The following PCDH17 variants were observed in gnomAD, a reference collection of about 807,000 sequenced individuals.
The protein encoded by PCDH17 is protocadherin-17.
A neutral mutation model predicts 67.7 loss-of-function variants in PCDH17; 21 were observed. The observed-to-expected ratio is 0.31, with a 90% CI of 0.22 to 0.45. The LOEUF is 0.45. Ranked by LOEUF, PCDH17 falls within the 20% of genes least tolerant of loss-of-function variation. The pLI, the probability that PCDH17 is intolerant of heterozygous loss-of-function variation, is 1.00. For synonymous variants in PCDH17, 701 were observed against 656.7 expected (o/e 1.07, Z -1.03); for missense variants, 1,471 against 1,564.8 (o/e 0.94, Z 1.01).
chr13:57,720,242 A>G (rs1427708185), intron 3 of PCDH17, among the ~76,000 whole-genome samples: 2 of 151,982 alleles, frequency 1.3e-5, no homozygotes, highest in Non-Finnish European at 2.9e-5. Context: ...TTATCAGCCA[A>G]TATGAATATG....
chr13:57,724,511 C>G, intron 3 of PCDH17, 101 bp from the exon 4 acceptor site: 1 of 874,258 alleles, frequency 1.1e-6, no homozygotes, highest in Admixed American at 2.6e-5. Flanking sequence ...AATTAAGAGA[C>G]CAGAGGTCAA....
chr13:57,640,239 T>G (rs2137981593), intron 1 of PCDH17, among the ~76,000 whole-genome samples: 1 of 152,068 alleles, frequency 6.6e-6, no homozygotes, highest in African/African-American at 2.4e-5. Flanking sequence ...TATAACACAA[T>G]AGAAATGTAT....
At chr13:57,635,245 A>G (rs910962321) in intron 1 of PCDH17, 134 bp downstream of exon 1, 1 of 817,242 alleles carries the variant, frequency 1.2e-6, no homozygotes. Flanking sequence ...AACGGTTTAC[A>G]CTTTTGACAC....
At chr13:57,640,012 C>A (rs191229898) in intron 1 of PCDH17, among the ~76,000 whole-genome samples, 31 of 151,968 alleles carry the variant, frequency 2.0e-4, no homozygotes, top group African/African-American at 7.5e-4. Flanking sequence ...TGCATAGATG[C>A]AGATTTTGTA....
chr13:57,653,780 T>A (rs894582487), intron 1 of PCDH17, among the ~76,000 whole-genome samples: 1 of 152,136 alleles, frequency 6.6e-6, no homozygotes, highest in Non-Finnish European at 1.5e-5. Flanking sequence ...TTACACTAAG[T>A]ACACTCTAGA....
In PCDH17 at chr13:57,726,987, G is replaced by T. The variant is rs2138110645; in HGVS notation, c.*1693G>T. The T allele has an allele frequency of 6.6e-6, 1 of 152,660 alleles. No homozygotes were observed. The highest frequency in any genetic ancestry group is 2.4e-5 in the African/African-American group (1 of 41,540). The allele number at this position is 152,660 out of a possible 1,614,324, so 9.5% of individuals were successfully genotyped here. On this transcript the variant is annotated 3_prime_UTR_variant, in exon 4 of 4. Coordinates refer to ENST00000377918, the MANE Select transcript of PCDH17 (RefSeq NM_001040429.3). ...GCCTCTTTTTGTTGGTGTCCTTTGA[G>T]AACAATACACCTTCTATTCCTTCAT... is the stretch of plus-strand genomic sequence containing the variant.
At chr13:57,655,764 A>C (rs949801098) in intron 1 of PCDH17, among the ~76,000 whole-genome samples, 9 of 152,106 alleles carry the variant, frequency 5.9e-5, no homozygotes, top group Non-Finnish European at 1.2e-4. Context: ...TTAAAACAAT[A>C]ACATGAAGGT....
Position 57,728,760 on chromosome 13 carries a change from T to G in PCDH17, c.*3466T>G, listed in dbSNP as rs1371419527. Reference sequence around the variant, plus strand: ...TCCTGGTTGAGAAACTAACTTGTTTTGTTTTCCAAAATTAGCTGAAATCTT... The same window carrying G: ...TCCTGGTTGAGAAACTAACTTGTTTGGTTTTCCAAAATTAGCTGAAATCTT... On this transcript the variant is annotated 3_prime_UTR_variant, in exon 4 of 4. Coordinates refer to ENST00000377918, the MANE Select transcript of PCDH17 (RefSeq NM_001040429.3). 2.0e-5 allele frequency: 3 copies of G among 152,140 alleles called. No individual in the cohort carries two copies. Among genetic ancestry groups the G allele is most frequent in the African/African-American group, 7.2e-5 (3 of 41,460 alleles). The allele number at this position is 152,140 out of a possible 1,614,324, so 9.4% of individuals were successfully genotyped here. A position where few individuals can be genotyped will look rare whatever the true frequency, so the allele number is the denominator to read the frequency against.
chr13:57,634,637 C>G lies in PCDH17; in HGVS notation c.2091C>G (p.Gly697=). 1.2e-6 allele frequency: 2 copies of G among 1,613,426 alleles called. No homozygotes were observed. Among genetic ancestry groups the G allele is most frequent in the Non-Finnish European group, 8.5e-7 (1 of 1,179,986 alleles). Reference sequence around the variant, plus strand: ...CCGAGGGGGTACCACGGGTGAATGGCGAGCAGCACCACTGGGACATGTCGC... The same window carrying G: ...CCGAGGGGGTACCACGGGTGAATGGGGAGCAGCACCACTGGGACATGTCGC... ...SLPEGVPRVN[G]EQHHWDMSLP... Residue 697 remains glycine, a synonymous_variant, in exon 1 of 4, where the codon GGC becomes GGG. Coordinates refer to ENST00000377918, the MANE Select transcript of PCDH17 (RefSeq NM_001040429.3). This position sits in a 1 kb window ranked among gnomAD's most constrained non-coding sequence, Gnocchi z 7.8.
intron 3 of PCDH17, among the ~76,000 whole-genome samples, chr13:57,689,020 C>G (rs1465962043): frequency 6.6e-6 from 1 of 151,982 alleles, no homozygotes; most frequent in Non-Finnish European, 1.5e-5. Flanking sequence ...TGGATAATAT[C>G]AATGACTAAA....
In PCDH17 at chr13:57,694,017, G is replaced by A. The variant is rs577800657; in HGVS notation, c.2797+27184G>A. Among the ~76,000 whole-genome samples, 58 of 150,516 alleles carry A rather than the reference G, an allele frequency of 3.9e-4. 4 individuals carry two copies. In the South Asian group the frequency reaches 0.012, roughly 31 times the overall value. On this transcript the variant is annotated intron_variant, in intron 3 of 3. Coordinates refer to ENST00000377918, the MANE Select transcript of PCDH17 (RefSeq NM_001040429.3). ...AATGACTTAAAGAACAGCATACAAGGCAAGTCTAGGCAGCACATCTTGAAT... is the reference window on the plus strand; with the variant it reads ...AATGACTTAAAGAACAGCATACAAGACAAGTCTAGGCAGCACATCTTGAAT...
At chr13:57,658,451 T>A (rs1254793798) in intron 1 of PCDH17, among the ~76,000 whole-genome samples, 1 of 152,204 alleles carries the variant, frequency 6.6e-6, no homozygotes, top group Non-Finnish European at 1.5e-5. Context: ...TCTGATCGAT[T>A]TTTAAAGGTC....
At chr13:57,682,612 T>TTTG (rs201732270) in intron 3 of PCDH17, among the ~76,000 whole-genome samples, 36 of 151,874 alleles carry the variant, frequency 2.4e-4, no homozygotes, top group East Asian at 1.4e-3. Context: ...CTGAGACTGT[T>TTTG]TTGTTGTTGT....
chr13:57,681,022 G>A (rs1234912365), intron 3 of PCDH17, among the ~76,000 whole-genome samples: 1 of 151,750 alleles, frequency 6.6e-6, no homozygotes, highest in Non-Finnish European at 1.5e-5. Flanking sequence ...CATCTACTAT[G>A]TGTCAAGCAT....
rs1371030450 is a variant in PCDH17, at chr13:57,725,041, G to A, written c.3227G>A (p.Ser1076Asn). Residue 1076 changes from serine (S) to asparagine (N), a missense_variant, in exon 4 of 4, where the codon AGT (serine) becomes AAT (asparagine). Physicochemically the swap from Ser to Asn is conservative, Grantham distance 46. Transcript: ENST00000377918. ...AGCAGTCAGTACTTGCCCACTGACA[G>A]TCAATATCTGTCACCTAGTAAGCAA... ...EASSQYLPTD[S>N]QYLSPSKQPR... 1 of 1,614,160 alleles carries A rather than the reference G, an allele frequency of 6.2e-7. No individual in the cohort carries two copies. Among genetic ancestry groups the A allele is most frequent in the Admixed American group, 1.7e-5 (1 of 60,022 alleles).
intron 3 of PCDH17, among the ~76,000 whole-genome samples, chr13:57,682,278 T>C (rs1468723285): frequency 2.6e-5 from 4 of 151,734 alleles, no homozygotes; most frequent in Non-Finnish European, 4.4e-5. Flanking sequence ...ACACCCTAGT[T>C]CTACTTGAAA....
intron 3 of PCDH17, among the ~76,000 whole-genome samples, chr13:57,717,722 A>G (rs989517071): frequency 2.0e-5 from 3 of 152,050 alleles, no homozygotes; most frequent in Non-Finnish European, 4.4e-5. Flanking sequence ...ATAGTATTAT[A>G]ACAACTTCCT....
At chr13:57,667,220 GA>G (rs1239830443) in intron 3 of PCDH17, among the ~76,000 whole-genome samples, 2 of 152,064 alleles carry the variant, frequency 1.3e-5, no homozygotes, top group African/African-American at 4.8e-5. Flanking sequence ...TAGATAAAAT[GA>G]AATCATTGGA....
chr13:57,634,077 A>C lies in PCDH17; in HGVS notation c.1531A>C (p.Ile511Leu). 1 of 1,613,314 alleles carries C rather than the reference A, an allele frequency of 6.2e-7. No individual in the cohort carries two copies. The highest frequency in any genetic ancestry group is 8.5e-7 in the Non-Finnish European group (1 of 1,179,980). ...CCAGAACGGCACCGTATCCTACTCT[A>C]TCCTGCCCTCGCACATCGGCGACGT... ...LGQNGTVSYSILPSHIGDVSI... is the reference protein window; with the variant it reads ...LGQNGTVSYSLLPSHIGDVSI... Residue 511 changes from isoleucine to leucine, a missense_variant, in exon 1 of 4, where the codon ATC (isoleucine) becomes CTC (leucine). Around this residue, in one of 3 missense-constraint regions of PCDH17, gnomAD observed 1,163 missense variants for 1,230.0 expected, o/e 0.95. Transcript: ENST00000377918. The surrounding 1 kb of genome is among the most constrained non-coding windows in gnomAD (Gnocchi z 7.8).
Sources: allele counts gnomAD v4.1 joint callset (sites outside exome capture counted in the v4.1 genomes callset), GRCh38; gene constraint gnomAD v4.1.1; regional missense constraint gnomAD v4.1.1; non-coding constraint Gnocchi (gnomAD v3.1); transcripts MANE v1.5; gene names NCBI Gene and HGNC (gene_info 2026-07-23, HGNC 2026-07-21).